The following COL27A1 variants were observed in gnomAD, a reference collection of about 807,000 sequenced individuals.
The protein encoded by COL27A1 is collagen alpha-1(XXVII) chain.
COL27A1 carries 106 observed loss-of-function variants against 251.3 expected under a neutral mutation model. The ratio of observed to expected loss-of-function variants is 0.42; its 90% CI spans 0.36 to 0.50. The LOEUF is 0.50. COL27A1 is among the 20% of genes least tolerant of loss of function. The pLI is 0.00. For missense variants in COL27A1, 2,325 were observed against 2,522.8 expected, an observed-to-expected ratio of 0.92 and a Z score of 1.68; for synonymous variants, 1,000 against 986.3, an observed-to-expected ratio of 1.01 and a Z score of -0.26.
At chr9:114,250,542 CA>C (rs986942984) in intron 24 of COL27A1, 72 bp from the exon 25 acceptor site, 20 of 1,411,746 alleles carry the variant, frequency 1.4e-5, no homozygotes, top group Non-Finnish European at 5.0e-6. Context: ...AGATGAGCTT[CA>C]GGGGAAGGAG....
Position 114,253,416 on chromosome 9 carries a change from AGAG to A in COL27A1, c.3141+488_3141+490del, listed in dbSNP as rs1215248099. Among the ~76,000 whole-genome samples, 34 of 129,244 alleles carry A rather than the reference AGAG, an allele frequency of 2.6e-4. 1 individual carries two copies. Among genetic ancestry groups the A allele is most frequent in the Admixed American group, 1.4e-3 (17 of 12,466 alleles). The allele number at this position is 129,244 out of a possible 152,430, so 84.8% of individuals were successfully genotyped here. On this transcript the variant is annotated intron_variant, in intron 27 of 60. Coordinates refer to ENST00000356083, the MANE Select transcript of COL27A1 (RefSeq NM_032888.4). Reference sequence around the variant, plus strand: ...AGAAAGAGGAAAAAAGACAGAAAGAAGAGGAGAAAAAAGAGGAGGGAGGGAGGG... The same window carrying A: ...AGAAAGAGGAAAAAAGACAGAAAGAAGAGAAAAAAGAGGAGGGAGGGAGGG...
At chr9:114,283,525 G>A (rs1836061381) in intron 39 of COL27A1, among the ~76,000 whole-genome samples, 184 bp from the exon 40 acceptor site, 1 of 152,178 alleles carries the variant, frequency 6.6e-6, no homozygotes, top group South Asian at 2.1e-4. Context: ...TGGGGCAGGG[G>A]TGGGGAACTC....
At chr9:114,221,359 C>T (rs1474886051) in intron 13 of COL27A1, among the ~76,000 whole-genome samples, 1 of 152,144 alleles carries the variant, frequency 6.6e-6, no homozygotes, top group Non-Finnish European at 1.5e-5. Context: ...TAACTATTAG[C>T]GATATGCAGT....
Position 114,162,711 on chromosome 9 carries a change from C to T in COL27A1, c.63-4C>T. 2 of 1,611,502 alleles carry T rather than the reference C, an allele frequency of 1.2e-6. No individual in the cohort carries two copies. Among genetic ancestry groups the T allele is most frequent in the South Asian group, 1.1e-5 (1 of 90,976 alleles). ...CGCCTCTGCTTGTGTCTCCTGGTCT[C>T]TAGGGGGTTTCTCTTCTCCTGGATC... On this transcript the variant is annotated splice_region_variant and splice_polypyrimidine_tract_variant and intron_variant, in intron 1 of 60. Transcript: ENST00000356083.
Position 114,205,870 on chromosome 9 carries a change from G to A in COL27A1, c.2223+58G>A, listed in dbSNP as rs1486183584. 3.3e-6 allele frequency: 5 copies of A among 1,502,058 alleles called. No homozygotes were observed. The East Asian group carries it at 6.8e-5, about 20-fold the overall frequency. 93.0% of individuals were successfully genotyped at this position (1,502,058 alleles called of 1,614,324 possible). A position where few individuals can be genotyped will look rare whatever the true frequency, so the allele number is the denominator to read the frequency against. On this transcript the variant is annotated intron_variant, in intron 9 of 60. Transcript: ENST00000356083. Reference sequence around the variant, plus strand: ...CATGGTGATGTGAAGATGGCCACAGGTGCCCCGAGGCAGAGGGAGGTGGTG... The same window carrying A: ...CATGGTGATGTGAAGATGGCCACAGATGCCCCGAGGCAGAGGGAGGTGGTG...
At chr9:114,301,360 G>C in intron 53 of COL27A1, 41 bp downstream of exon 53, 1 of 1,612,538 alleles carries the variant, frequency 6.2e-7, no homozygotes, top group Non-Finnish European at 8.5e-7. Flanking sequence ...AGCACTGCAG[G>C]GGCGGGGGAG....
chr9:114,238,255 G>T (rs192937406), intron 19 of COL27A1, among the ~76,000 whole-genome samples: 169 of 152,372 alleles, frequency 1.1e-3, no homozygotes, highest in African/African-American at 3.9e-3. Flanking sequence ...TGATGTGTGT[G>T]ATCATTGGCA....
At chr9:114,222,374 C>T in intron 14 of COL27A1, 107 bp downstream of exon 14, 3 of 1,075,040 alleles carry the variant, frequency 2.8e-6, no homozygotes, top group South Asian at 1.5e-5. Flanking sequence ...TTGAAAAGAC[C>T]CTTCTCTCAT....
chr9:114,235,266 A>G (rs1832293112), intron 16 of COL27A1, among the ~76,000 whole-genome samples: 1 of 152,108 alleles, frequency 6.6e-6, no homozygotes, highest in Non-Finnish European at 1.5e-5. Context: ...GTTAATGATG[A>G]AGAGGTTGAA....
intron 56 of COL27A1, among the ~76,000 whole-genome samples, chr9:114,303,208 T>C (rs963298730): frequency 1.3e-5 from 2 of 152,000 alleles, no homozygotes; most frequent in Admixed American, 6.5e-5. Flanking sequence ...CCAGACACCA[T>C]TACAGGTGCT....
intron 1 of COL27A1, among the ~76,000 whole-genome samples, chr9:114,157,364 G>T (rs1207119215): frequency 6.6e-6 from 1 of 151,646 alleles, no homozygotes; most frequent in Non-Finnish European, 1.5e-5. Context: ...TCTCCAGCAT[G>T]CCTCTGCTCT....
chr9:114,230,649 G>A (rs997807933), intron 14 of COL27A1, among the ~76,000 whole-genome samples: 18 of 152,148 alleles, frequency 1.2e-4, no homozygotes, highest in African/African-American at 4.3e-4. Context: ...TGGGAAGCAG[G>A]AGGTGCCTCC....
chr9:114,211,089 C>T (rs1830326378), intron 12 of COL27A1, 63 bp downstream of exon 12: 3 of 1,513,684 alleles, frequency 2.0e-6, no homozygotes, highest in Admixed American at 3.3e-5. Flanking sequence ...CACGGCCACG[C>T]TGCCCTGGCC....
intron 24 of COL27A1, among the ~76,000 whole-genome samples, chr9:114,249,525 G>T (rs772010861): frequency 2.2e-4 from 33 of 152,164 alleles, no homozygotes; most frequent in African/African-American, 7.7e-4. Flanking sequence ...CAACCAGAGC[G>T]GACATCCCAG....
At chr9:114,242,079 G>T in intron 21 of COL27A1, 108 bp from the exon 22 acceptor site, 1 of 961,510 alleles carries the variant, frequency 1.0e-6, no homozygotes, top group Non-Finnish European at 1.5e-6. Context: ...CTTTGTCCAG[G>T]AGGGCTCTCC....
intron 2 of COL27A1, among the ~76,000 whole-genome samples, chr9:114,163,364 A>G (rs574165168): frequency 6.6e-6 from 1 of 151,556 alleles, no homozygotes; most frequent in Non-Finnish European, 1.5e-5. Context: ...TTTAAGCCTC[A>G]GTTGTCCCTG....
intron 22 of COL27A1, 131 bp downstream of exon 22, chr9:114,242,362 C>T (rs1832819297): frequency 1.5e-6 from 1 of 674,546 alleles, no homozygotes. Flanking sequence ...AGAGAGAGAA[C>T]TAGGACAGAC....
chr9:114,235,160 C>T (rs1832283170), intron 16 of COL27A1, among the ~76,000 whole-genome samples: 1 of 151,936 alleles, frequency 6.6e-6, no homozygotes, highest in Admixed American at 6.6e-5. Context: ...ACAGCTCAGT[C>T]TGATGGTGAA....
chr9:114,207,447 G>A (rs1382575313), intron 10 of COL27A1, among the ~76,000 whole-genome samples: 2 of 152,180 alleles, frequency 1.3e-5, no homozygotes, highest in Non-Finnish European at 1.5e-5. Context: ...TAAACCCAAG[G>A]AGAAAGGTCT....
Sources: allele counts gnomAD v4.1 joint callset (sites outside exome capture counted in the v4.1 genomes callset), GRCh38; gene constraint gnomAD v4.1.1; transcripts MANE v1.5; gene names NCBI Gene and HGNC (gene_info 2026-07-23, HGNC 2026-07-21).